Variants in DDX19B observed in about 807,000 individuals in gnomAD.
DDX19B encodes DEAD-box helicase 19B.
Under a neutral mutation model 58.1 loss-of-function variants are expected in DDX19B, and 27 were observed. The ratio of observed to expected loss-of-function variants is 0.46; its 90% CI spans 0.34 to 0.64. DDX19B has a LOEUF of 0.64. Among genes scored for constraint, DDX19B ranks in the 30% least tolerant of loss-of-function variants. The pLI is 0.01. For missense variants in DDX19B, 399 were observed against 596.5 expected, an observed-to-expected ratio of 0.67 and a Z score of 3.45; for synonymous variants, 187 against 214.4, an observed-to-expected ratio of 0.87 and a Z score of 1.12.
Position 70,299,636 on chromosome 16 carries a change from G to A in DDX19B, c.57+282G>A, listed in dbSNP as rs151008188. 2.0e-3 allele frequency among the ~76,000 whole-genome samples: 297 copies of A among 152,242 alleles called. 2 individuals carry two copies. The highest frequency in any genetic ancestry group is 6.0e-3 in the African/African-American group (248 of 41,548). ...CATCACCCTAGATTGTGTTTTGTTT[G>A]TTTTTAATTGAAATAGAGACATGGT... On this transcript the variant is annotated intron_variant, in intron 1 of 11. Transcript: ENST00000288071.
In DDX19B at chr16:70,314,899, A is replaced by C. The variant is rs761871368; in HGVS notation, c.107-3A>C. On this transcript the variant is annotated splice_region_variant and splice_polypyrimidine_tract_variant and intron_variant, in intron 2 of 11. Transcript: ENST00000288071. ...GAATGATGGCCACTTTGTGTCTATAAAGGTGCTGTTGTCAAGACCAATGCC... is the reference window on the plus strand; with the variant it reads ...GAATGATGGCCACTTTGTGTCTATACAGGTGCTGTTGTCAAGACCAATGCC... 4 of 1,608,942 alleles carry C rather than the reference A, an allele frequency of 2.5e-6. No homozygotes were observed. In the East Asian group the frequency reaches 9.0e-5, roughly 36 times the overall value.
chr16:70,291,875 CAG>C (rs2152176832), upstream of DDX19B, among the ~76,000 whole-genome samples: 1 of 151,726 alleles, frequency 6.6e-6, no homozygotes, highest in African/African-American at 2.4e-5. Flanking sequence ...TAGGCCAGCA[CAG>C]AGACTCACAC....
chr16:70,317,410 A>G (rs1962491156), intron 4 of DDX19B, 86 bp from the exon 5 acceptor site: 7 of 1,028,332 alleles, frequency 6.8e-6, no homozygotes, highest in Non-Finnish European at 1.0e-5. Context: ...CTATGTGTAA[A>G]CAGTAAAAGA....
intron 10 of DDX19B, 104 bp from the exon 11 acceptor site, chr16:70,332,864 C>CG: frequency 6.2e-7 from 1 of 1,600,820 alleles, no homozygotes; most frequent in Non-Finnish European, 8.5e-7. Flanking sequence ...CTCTTAGTGC[C>CG]GTGTTCCCTT....
chr16:70,302,621 C>A (rs1053247461), intron 1 of DDX19B, among the ~76,000 whole-genome samples: 2 of 152,142 alleles, frequency 1.3e-5, no homozygotes, highest in Non-Finnish European at 2.9e-5. Flanking sequence ...GATATATATA[C>A]ACAGTTTGCT....
intron 1 of DDX19B, among the ~76,000 whole-genome samples, chr16:70,300,152 T>C (rs192321021): frequency 6.6e-6 from 1 of 151,888 alleles, no homozygotes; most frequent in South Asian, 2.1e-4. Flanking sequence ...GTTTAAAGAG[T>C]GAAGTTATTT....
At chr16:70,301,744 G>T in intron 1 of DDX19B, among the ~76,000 whole-genome samples, 1 of 146,806 alleles carries the variant, frequency 6.8e-6, no homozygotes. Flanking sequence ...GCCCAATTTG[G>T]AGTGCAGTAG....
At chr16:70,320,533 C>T (rs1962717147) in intron 5 of DDX19B, among the ~76,000 whole-genome samples, 1 of 151,350 alleles carries the variant, frequency 6.6e-6, no homozygotes, top group Non-Finnish European at 1.5e-5. Context: ...AGCCACCATG[C>T]CTGGCTAATT....
Position 70,330,044 on chromosome 16 carries a change from T to C in DDX19B, c.999T>C (p.Ile333=). The change falls in exon 9 of 12, where the codon ATT becomes ATC. Residue 333 remains isoleucine, a synonymous_variant. Transcript: ENST00000288071. The part of the protein sequence containing the change: ...ALCNLYGAIT[I]AQAMIFCHTR... ...GTAACCTCTACGGGGCCATCACCAT[T>C]GCTCAAGCCATGATCTTCTGCCATG... The C allele has an allele frequency of 1.2e-6, 2 of 1,613,974 alleles. No individual in the cohort carries two copies. The highest frequency in any genetic ancestry group is 1.7e-6 in the Non-Finnish European group (2 of 1,179,882).
chr16:70,307,008 G>T (rs1169075866), intron 1 of DDX19B, among the ~76,000 whole-genome samples: 2 of 152,112 alleles, frequency 1.3e-5, no homozygotes, highest in African/African-American at 2.4e-5. Context: ...CTTTTATTTA[G>T]TATAATGAAC....
chr16:70,295,589 G>C, upstream of DDX19B, among the ~76,000 whole-genome samples: 1 of 152,046 alleles, frequency 6.6e-6, no homozygotes, highest in East Asian at 1.9e-4. Flanking sequence ...CTGTCTTCCT[G>C]GGATGAGTAT....
chr16:70,290,109 T>G (rs1386360810), upstream of DDX19B: 9 of 203,084 alleles, frequency 4.4e-5, 1 homozygote, highest in South Asian at 4.5e-4. Context: ...TATATACATA[T>G]ACATATATAC....
At chr16:70,311,337 G>A (rs1597474165) in intron 1 of DDX19B, among the ~76,000 whole-genome samples, 1 of 152,152 alleles carries the variant, frequency 6.6e-6, no homozygotes. Flanking sequence ...CTGAGATCGC[G>A]CCCCTACACT....
intron 5 of DDX19B, among the ~76,000 whole-genome samples, chr16:70,321,996 T>C (rs538067982): frequency 1.3e-3 from 198 of 150,712 alleles, no homozygotes; most frequent in African/African-American, 4.7e-3. Flanking sequence ...GATCGCGCCA[T>C]TGGACTCCAG....
At chr16:70,319,410 C>T (rs1314891433) in intron 5 of DDX19B, among the ~76,000 whole-genome samples, 1 of 152,072 alleles carries the variant, frequency 6.6e-6, no homozygotes, top group African/African-American at 2.4e-5. Flanking sequence ...TAAGTGGGGA[C>T]TGAGTGTCAA....
upstream of DDX19B, among the ~76,000 whole-genome samples, chr16:70,292,521 T>G (rs1207374048): frequency 3.3e-5 from 5 of 152,364 alleles, no homozygotes; most frequent in African/African-American, 1.2e-4. Context: ...TATAATTATC[T>G]AATGATATTT....
upstream of DDX19B, among the ~76,000 whole-genome samples, chr16:70,292,475 A>G (rs1431418665): frequency 6.6e-6 from 1 of 152,238 alleles, no homozygotes; most frequent in African/African-American, 2.4e-5. Context: ...AAAAAAAGAA[A>G]GAAATTGTAA....
chr16:70,329,502 T>C (rs149381034), intron 8 of DDX19B, 33 bp downstream of exon 8: 69,192 of 1,579,766 alleles, frequency 0.044, 2,272 homozygotes, highest in African/African-American at 0.049. Context: ...ACTCCTCAGA[T>C]TCCCCATCTG....
chr16:70,303,404 C>T lies in DDX19B; in HGVS notation c.57+4050C>T, dbSNP rs768829271. Among the ~76,000 whole-genome samples the T allele has an allele frequency of 1.2e-3, 190 of 152,208 alleles. 5 individuals are homozygous for T. Among genetic ancestry groups the T allele is most frequent in the Non-Finnish European group, 9.6e-4 (65 of 68,042 alleles). ...GTTCAAGCAATCCGCCCACCTGGGC[C>T]TCCCAGAGTGCTGAGATGGATTACA... On this transcript the variant is annotated intron_variant, in intron 1 of 11. Transcript: ENST00000288071.
Sources: gnomAD v4.1 joint callset for allele counts (sites outside exome capture counted in the v4.1 genomes callset) on GRCh38, gnomAD v4.1.1 for gene constraint, MANE v1.5 for transcripts, NCBI Gene and HGNC (gene_info 2026-07-23, HGNC 2026-07-21) for gene names.